The following CCDC88A variants were observed in gnomAD, a reference collection of about 807,000 sequenced individuals.
CCDC88A encodes coiled-coil and HOOK domain protein 88A, also known as girdin.
A neutral mutation model predicts 234.3 loss-of-function variants in CCDC88A; 54 were observed. That is an observed-to-expected ratio of 0.23 (90% CI 0.19 to 0.29). The LOEUF is 0.29. CCDC88A is among the 10% of genes least tolerant of loss of function. CCDC88A has a pLI of 1.00. For missense variants in CCDC88A, 1,832 were observed against 2,123.4 expected (o/e 0.86, Z 2.70); for synonymous variants, 753 against 737.8 (o/e 1.02, Z -0.33).
intron 12 of CCDC88A, among the ~76,000 whole-genome samples, chr2:55,341,535 C>G (rs776685591): frequency 4.0e-5 from 6 of 151,328 alleles, no homozygotes; most frequent in Non-Finnish European, 5.9e-5. Context: ...ACTTCTGCCT[C>G]ACGGGTTCAA....
chr2:55,300,090 G>C lies in CCDC88A; in HGVS notation c.4745-171C>G, dbSNP rs1000035642. The C allele has an allele frequency of 5.3e-6, 3 of 564,494 alleles. No homozygotes were observed. The African/African-American group carries it at 5.6e-5, about 11-fold the overall frequency. The allele number at this position is 564,494 out of a possible 1,614,324, so 35.0% of individuals were successfully genotyped here. A position where few individuals can be genotyped will look rare whatever the true frequency, so the allele number is the denominator to read the frequency against. The stretch of plus-strand genomic sequence containing the variant: ...CCAGATAGTTCATTGAGACACTTTA[G>C]AATAGGACACTTCTGAAACAATAGT... On this transcript the variant is annotated intron_variant, in intron 28 of 32. Coordinates refer to ENST00000436346, the MANE Select transcript of CCDC88A (RefSeq NM_001365480.1).
At chr2:55,329,061 C>T (rs10209908) in intron 16 of CCDC88A, 10,659 of 152,184 alleles carry the variant, frequency 0.07, 1,191 homozygotes, top group African/African-American at 0.23. Flanking sequence ...TGAGCCACCG[C>T]GCCCGGCAAT....
At chr2:55,299,189 G>T (rs1398104252) in intron 29 of CCDC88A, among the ~76,000 whole-genome samples, 1 of 152,192 alleles carries the variant, frequency 6.6e-6, no homozygotes, top group South Asian at 2.1e-4. Flanking sequence ...GGGCGACAGA[G>T]TGAGACTCCG....
intron 2 of CCDC88A, among the ~76,000 whole-genome samples, chr2:55,413,663 G>A (rs1021561918): frequency 1.3e-5 from 2 of 152,218 alleles, no homozygotes; most frequent in South Asian, 4.1e-4. Context: ...GAAACTCACA[G>A]CCTAGTCAAT....
chr2:55,389,714 G>A (rs1676276878), intron 2 of CCDC88A, among the ~76,000 whole-genome samples: 1 of 151,802 alleles, frequency 6.6e-6, no homozygotes, highest in Non-Finnish European at 1.5e-5. Context: ...TTGATGTTGT[G>A]GGCTATCTTT....
chr2:55,362,222 A>T, intron 7 of CCDC88A, 86 bp downstream of exon 7: 2 of 1,025,346 alleles, frequency 2.0e-6, no homozygotes, highest in Non-Finnish European at 2.8e-6. Context: ...TCTAAGAAAT[A>T]GTATCGTTTC....
intron 23 of CCDC88A, among the ~76,000 whole-genome samples, chr2:55,312,131 A>C (rs997312967): frequency 2.0e-5 from 3 of 152,140 alleles, no homozygotes; most frequent in African/African-American, 7.2e-5. Context: ...TCCCAGACTA[A>C]GATATTCCTG....
chr2:55,340,946 A>G (rs1432451299), intron 12 of CCDC88A, among the ~76,000 whole-genome samples: 3 of 152,020 alleles, frequency 2.0e-5, no homozygotes, highest in African/African-American at 7.2e-5. Context: ...CCTTTGACCA[A>G]CATCTTCCCA....
intron 2 of CCDC88A, among the ~76,000 whole-genome samples, chr2:55,396,339 T>C (rs1677541554): frequency 1.3e-5 from 2 of 152,228 alleles, no homozygotes; most frequent in African/African-American, 4.8e-5. Flanking sequence ...CTACCTTTTA[T>C]TTCTATTTTC....
At chr2:55,379,954 T>A (rs765875878) in intron 3 of CCDC88A, among the ~76,000 whole-genome samples, 58 of 147,096 alleles carry the variant, frequency 3.9e-4, no homozygotes, top group Admixed American at 4.8e-4. Flanking sequence ...CCATGTGCAG[T>A]GGCTCATGCC....
chr2:55,374,800 ATTT>A lies in CCDC88A; in HGVS notation c.343+11_343+13del. ...GGTTAGACATTACTTTCACAGCTTA[ATTT>A]TAATACTTACCAGAAAAGGGATTTT... On this transcript the variant is annotated intron_variant, in intron 4 of 32. Coordinates refer to ENST00000436346, the MANE Select transcript of CCDC88A (RefSeq NM_001365480.1). 3 of 1,548,458 alleles carry A rather than the reference ATTT, an allele frequency of 1.9e-6. No individual in the cohort carries two copies.
intron 2 of CCDC88A, chr2:55,418,435 CA>C (rs1217228973): frequency 5.2e-6 from 1 of 190,638 alleles, no homozygotes; most frequent in Admixed American, 5.4e-5. Context: ...TAATAAGAAA[CA>C]TTTCTGCATC....
At chr2:55,417,378 G>A (rs1681670597) in intron 2 of CCDC88A, 1 of 151,894 alleles carries the variant, frequency 6.6e-6, no homozygotes, top group Non-Finnish European at 1.5e-5. Flanking sequence ...TACTGTAATG[G>A]CTACCCTTTC....
At chr2:55,357,923 A>T (rs935918318) in intron 7 of CCDC88A, among the ~76,000 whole-genome samples, 3 of 152,158 alleles carry the variant, frequency 2.0e-5, no homozygotes, top group African/African-American at 7.2e-5. Flanking sequence ...AGTTTTCTCC[A>T]GCAAACAAAG....
At chr2:55,392,133 A>G (rs1558805731) in intron 2 of CCDC88A, among the ~76,000 whole-genome samples, 1 of 152,310 alleles carries the variant, frequency 6.6e-6, no homozygotes, top group South Asian at 2.1e-4. Context: ...TTCTCAATGC[A>G]TCCTATTAAT....
Position 55,317,408 on chromosome 2 carries a change from A to T in CCDC88A, c.3603-59T>A. ...TTACAAAAAAGAAATTTTAGAAATG[A>T]AGGAAATGAGTAATGAGTATCATTT... On this transcript the variant is annotated intron_variant, in intron 20 of 32. Coordinates refer to ENST00000436346, the MANE Select transcript of CCDC88A (RefSeq NM_001365480.1). This position sits in a 1 kb window ranked among gnomAD's most constrained non-coding sequence, Gnocchi z 4.2. 7.6e-7 allele frequency: 1 copy of T among 1,317,110 alleles called. No individual in the cohort carries two copies. Among genetic ancestry groups the T allele is most frequent in the Non-Finnish European group, 1.0e-6 (1 of 989,764 alleles). 81.6% of individuals were successfully genotyped at this position (1,317,110 alleles called of 1,614,324 possible). A position where few individuals can be genotyped will look rare whatever the true frequency, so the allele number is the denominator to read the frequency against.
At chr2:55,366,823 T>A (rs1461485128) in intron 5 of CCDC88A, among the ~76,000 whole-genome samples, 1 of 152,114 alleles carries the variant, frequency 6.6e-6, no homozygotes, top group Admixed American at 6.6e-5. Flanking sequence ...AAACAAGCTA[T>A]TGAACAAGAA....
At chr2:55,336,876 G>T in intron 13 of CCDC88A, 58 bp from the exon 14 acceptor site, 1 of 1,109,526 alleles carries the variant, frequency 9.0e-7, no homozygotes, top group Non-Finnish European at 1.3e-6. Flanking sequence ...GTGAAAACAT[G>T]TCAAAACAAA....
At chr2:55,384,562 C>A (rs866920264) in intron 3 of CCDC88A, among the ~76,000 whole-genome samples, 2 of 67,888 alleles carry the variant, frequency 2.9e-5, no homozygotes, top group East Asian at 2.6e-4. Flanking sequence ...TATATATACA[C>A]ATATATACGT....
Sources: allele counts gnomAD v4.1 joint callset (sites outside exome capture counted in the v4.1 genomes callset), GRCh38; gene constraint gnomAD v4.1.1; non-coding constraint Gnocchi (gnomAD v3.1); transcripts MANE v1.5; gene names NCBI Gene and HGNC (gene_info 2026-07-23, HGNC 2026-07-21).